Variants in IGSF3 observed in about 807,000 individuals in gnomAD.
IGSF3 encodes immunoglobulin superfamily member 3.
Under a neutral mutation model 114.4 loss-of-function variants are expected in IGSF3, and 23 were observed. The ratio of observed to expected loss-of-function variants is 0.20; its 90% CI spans 0.14 to 0.28. The LOEUF (loss-of-function observed/expected upper bound fraction) is 0.28, where lower values mean the gene tolerates loss of function less well. Among genes scored for constraint, IGSF3 ranks in the 10% least tolerant of loss-of-function variants. The probability of loss-of-function intolerance (pLI) is 1.00; values close to 1 mark genes in which losing one functional copy is unlikely to be tolerated. For missense variants in IGSF3, 1,172 were observed against 1,591.5 expected, an observed-to-expected ratio of 0.74 and a Z score of 4.48; for synonymous variants, 571 against 645.2, an observed-to-expected ratio of 0.88 and a Z score of 1.74.
intron 9 of IGSF3, among the ~76,000 whole-genome samples, chr1:116,581,572 G>A (rs553120821): frequency 2.3e-4 from 35 of 152,164 alleles, no homozygotes; most frequent in African/African-American, 7.5e-4. Flanking sequence ...TGAACATGTC[G>A]CTCACAGGTT....
At position 116,625,879 on chromosome 1, in the gene IGSF3, C is replaced by T. The variant is rs1449787947; in HGVS notation, c.44-9422G>A. ...CAGAACCATCCAAAAGGACTGCAAACCCAGTAATTCATTTCATCCCAACCT... is the reference window on the plus strand; with the variant it reads ...CAGAACCATCCAAAAGGACTGCAAATCCAGTAATTCATTTCATCCCAACCT... On this transcript the variant is annotated intron_variant, in intron 2 of 10. Transcript: ENST00000369486. This position sits in a 1 kb window ranked among gnomAD's most constrained non-coding sequence, Gnocchi z 4.7. 6.6e-6 allele frequency among the ~76,000 whole-genome samples: 1 copy of T among 152,184 alleles called. No individual in the cohort carries two copies. Among genetic ancestry groups the T allele is most frequent in the Non-Finnish European group, 1.5e-5 (1 of 68,048 alleles).
chr1:116,596,822 C>G lies in IGSF3; in HGVS notation c.2029+3119G>C, dbSNP rs2101407214. On this transcript the variant is annotated intron_variant, in intron 7 of 10. Transcript: ENST00000369486. The surrounding 1 kb of genome is among the most constrained non-coding windows in gnomAD (Gnocchi z 4.1). Reference sequence around the variant, plus strand: ...GTAACTTCTGTGTCAGTGTCCTCATCTGTGAAGTTGGGTAAAACGGTCCCC... The same window carrying G: ...GTAACTTCTGTGTCAGTGTCCTCATGTGTGAAGTTGGGTAAAACGGTCCCC... Among the ~76,000 whole-genome samples, 1 of 152,318 alleles carries G rather than the reference C, an allele frequency of 6.6e-6. No homozygotes were observed. The highest frequency in any genetic ancestry group is 1.9e-4 in the East Asian group (1 of 5,188).
intron 2 of IGSF3, among the ~76,000 whole-genome samples, chr1:116,620,490 C>A (rs953416060): frequency 6.6e-6 from 1 of 152,176 alleles, no homozygotes; most frequent in Non-Finnish European, 1.5e-5. Flanking sequence ...CCCTCTCAGA[C>A]CTTGCCCTAT....
rs1647822582 is a variant in IGSF3, at chr1:116,636,241, C to A, written c.44-19784G>T. On this transcript the variant is annotated intron_variant, in intron 2 of 10. Transcript: ENST00000369486. The surrounding 1 kb of genome is among the most constrained non-coding windows in gnomAD (Gnocchi z 4.5). ...CCTTCCCTGATCAAAGTTGCTTTCA[C>A]AGGCATCTGTTCAGCTATCCACTCT... 6.6e-6 allele frequency among the ~76,000 whole-genome samples: 1 copy of A among 152,212 alleles called. No individual in the cohort carries two copies. The highest frequency in any genetic ancestry group is 2.4e-5 in the African/African-American group (1 of 41,464).
At chr1:116,643,691 A>G (rs754614798) in intron 2 of IGSF3, among the ~76,000 whole-genome samples, 1 of 152,214 alleles carries the variant, frequency 6.6e-6, no homozygotes, top group Non-Finnish European at 1.5e-5. Context: ...GCCCATGCTC[A>G]GGTGTCTACG....
At chr1:116,611,759 C>T (rs2101483789) in intron 4 of IGSF3, among the ~76,000 whole-genome samples, 1 of 152,234 alleles carries the variant, frequency 6.6e-6, no homozygotes, top group South Asian at 2.1e-4. Flanking sequence ...GTTGCAAGAA[C>T]ACTTCCTATT....
Position 116,638,536 on chromosome 1 carries a change from C to T in IGSF3, c.44-22079G>A, listed in dbSNP as rs961157785. 6.6e-6 allele frequency among the ~76,000 whole-genome samples: 1 copy of T among 152,200 alleles called. No homozygotes were observed. The highest frequency in any genetic ancestry group is 6.5e-5 in the Admixed American group (1 of 15,282). On this transcript the variant is annotated intron_variant, in intron 2 of 10. Coordinates refer to ENST00000369486, the MANE Select transcript of IGSF3 (RefSeq NM_001007237.3). This position sits in a 1 kb window ranked among gnomAD's most constrained non-coding sequence, Gnocchi z 4.1. ...GCCCCATTCCACCTACTCAGTCTGA[C>T]ACCCACCACTCCCTCCAAACATCCC...
chr1:116,646,715 CAGGTCTG>C (rs1182764142), intron 2 of IGSF3, among the ~76,000 whole-genome samples: 1 of 152,170 alleles, frequency 6.6e-6, no homozygotes, highest in Non-Finnish European at 1.5e-5. Flanking sequence ...CGGGGTCCCT[CAGGTCTG>C]TGGCCACCGG....
chr1:116,652,759 C>A lies in IGSF3; in HGVS notation c.43+13525G>T, dbSNP rs143670076. Among the ~76,000 whole-genome samples the A allele has an allele frequency of 9.9e-3, 1,512 of 152,332 alleles. 66 individuals are homozygous for A. The highest frequency in any genetic ancestry group is 0.076 in the East Asian group (395 of 5,190). ...ATTCAAGGAAAAATGTCAGGGAACA[C>A]CACTGACCAGCAGTCCTCTCTTATC... is the stretch of plus-strand genomic sequence containing the variant. On this transcript the variant is annotated intron_variant, in intron 2 of 10. Coordinates refer to ENST00000369486, the MANE Select transcript of IGSF3 (RefSeq NM_001007237.3).
chr1:116,632,084 G>A lies in IGSF3; in HGVS notation c.44-15627C>T, dbSNP rs1377921763. 6.6e-6 allele frequency among the ~76,000 whole-genome samples: 1 copy of A among 152,206 alleles called. No homozygotes were observed. Among genetic ancestry groups the A allele is most frequent in the Non-Finnish European group, 1.5e-5 (1 of 68,040 alleles). ...TCCAAACTTGCACAACTCAACCAGT[G>A]AAGGGCTGGGGAAGACTGACAAGTT... On this transcript the variant is annotated intron_variant, in intron 2 of 10. Transcript: ENST00000369486. This position sits in a 1 kb window ranked among gnomAD's most constrained non-coding sequence, Gnocchi z 5.1.
At chr1:116,599,188 C>T (rs183420757) in intron 7 of IGSF3, among the ~76,000 whole-genome samples, 111 of 152,264 alleles carry the variant, frequency 7.3e-4, no homozygotes, top group Non-Finnish European at 1.3e-3. Flanking sequence ...TTCAGCGCCT[C>T]ATGCAAAGAA....
rs1660742617 is a variant in IGSF3, at chr1:116,605,157, T to G, written c.1223-1132A>C. Among the ~76,000 whole-genome samples the G allele has an allele frequency of 6.6e-6, 1 of 152,152 alleles. No individual in the cohort carries two copies. The highest frequency in any genetic ancestry group is 2.4e-5 in the African/African-American group (1 of 41,436). On this transcript the variant is annotated intron_variant, in intron 5 of 10. Coordinates refer to ENST00000369486, the MANE Select transcript of IGSF3 (RefSeq NM_001007237.3). The surrounding 1 kb of genome is among the most constrained non-coding windows in gnomAD (Gnocchi z 5.1). The stretch of plus-strand genomic sequence containing the variant: ...AAGTAACTAATTTGGCTCCAATTTT[T>G]GGGTACCACCCACATTAAATACATG...
At chr1:116,637,036 A>T (rs115504880) in intron 2 of IGSF3, among the ~76,000 whole-genome samples, 4,236 of 152,238 alleles carry the variant, frequency 0.028, 201 homozygotes, top group African/African-American at 0.095. Flanking sequence ...TTACAAATCG[A>T]CTTGTTCCTG....
Position 116,666,953 on chromosome 1 carries a change from A to T in IGSF3, c.-627T>A, listed in dbSNP as rs918486175. 10 of 402,102 alleles carry T rather than the reference A, an allele frequency of 2.5e-5. No homozygotes were observed. Among genetic ancestry groups the T allele is most frequent in the Non-Finnish European group, 4.4e-5 (10 of 228,546 alleles). 24.9% of individuals were successfully genotyped at this position (402,102 alleles called of 1,614,324 possible). A position where few individuals can be genotyped will look rare whatever the true frequency, so the allele number is the denominator to read the frequency against. ...TGAAGCGGTACCCCAGCGCGAGCAG[A>T]TTTCTAAAACAAACACAACAGAGAT... is the stretch of plus-strand genomic sequence containing the variant. On this transcript the variant is annotated 5_prime_UTR_variant, in exon 2 of 11. Transcript: ENST00000369486.
Position 116,666,359 on chromosome 1 carries a change from G to T in IGSF3, c.-33C>A, listed in dbSNP as rs375216626. On this transcript the variant is annotated 5_prime_UTR_variant, in exon 2 of 11. Transcript: ENST00000369486. ...GCCTCCAGGAGACACAACACAAGGC[G>T]CTTCCTCTTCTCCCAGCTCCTAATC... The T allele has an allele frequency of 6.2e-7, 1 of 1,608,508 alleles. No homozygotes were observed. Among genetic ancestry groups the T allele is most frequent in the East Asian group, 2.2e-5 (1 of 44,852 alleles).
intron 5 of IGSF3, 36 bp from the exon 6 acceptor site, chr1:116,604,061 T>A: frequency 6.6e-7 from 1 of 1,514,824 alleles, no homozygotes; most frequent in Non-Finnish European, 8.9e-7. Context: ...CTGGAGGCTT[T>A]ATGGTCTCCA....
Position 116,618,283 on chromosome 1 carries a change from A to G in IGSF3, c.44-1826T>C, listed in dbSNP as rs181804723. Among the ~76,000 whole-genome samples the G allele has an allele frequency of 0.012, 1,791 of 152,378 alleles. 44 individuals are homozygous for G. The highest frequency in any genetic ancestry group is 0.041 in the African/African-American group (1,711 of 41,582). On this transcript the variant is annotated intron_variant, in intron 2 of 10. Coordinates refer to ENST00000369486, the MANE Select transcript of IGSF3 (RefSeq NM_001007237.3). The surrounding 1 kb of genome is among the most constrained non-coding windows in gnomAD (Gnocchi z 4.7). ...CAAGTGGTATCTGAATTTATTTGAT[A>G]TATTCTGGTTGATGGCATTAATTAT...
chr1:116,603,178 G>A lies in IGSF3; in HGVS notation c.1624+446C>T, dbSNP rs1274558697. Among the ~76,000 whole-genome samples, 1 of 152,214 alleles carries A rather than the reference G, an allele frequency of 6.6e-6. No homozygotes were observed. Among genetic ancestry groups the A allele is most frequent in the Non-Finnish European group, 1.5e-5 (1 of 68,054 alleles). On this transcript the variant is annotated intron_variant, in intron 6 of 10. Transcript: ENST00000369486. This position sits in a 1 kb window ranked among gnomAD's most constrained non-coding sequence, Gnocchi z 7.1. ...TATACCCTTCTCTGCTCTCTTTCAG[G>A]AAGGCTGGCCCCTGGGCAGCAGGGC...
At position 116,662,539 on chromosome 1, in the gene IGSF3, C is replaced by T. The variant is rs1404877014; in HGVS notation, c.43+3745G>A. Among the ~76,000 whole-genome samples the T allele has an allele frequency of 6.6e-6, 1 of 152,214 alleles. No homozygotes were observed. Among genetic ancestry groups the T allele is most frequent in the Admixed American group, 6.5e-5 (1 of 15,278 alleles). The stretch of plus-strand genomic sequence containing the variant: ...ATTACTGCCATTATGGAAGTACCAG[C>T]AGTCTTGCTGCCATGAAAACCGTAG... On this transcript the variant is annotated intron_variant, in intron 2 of 10. Coordinates refer to ENST00000369486, the MANE Select transcript of IGSF3 (RefSeq NM_001007237.3). The surrounding 1 kb of genome is among the most constrained non-coding windows in gnomAD (Gnocchi z 4.3).
Sources: allele counts gnomAD v4.1 joint callset (sites outside exome capture counted in the v4.1 genomes callset), GRCh38; gene constraint gnomAD v4.1.1; non-coding constraint Gnocchi (gnomAD v3.1); transcripts MANE v1.5; gene names NCBI Gene and HGNC (gene_info 2026-07-23, HGNC 2026-07-21).